CACNA1D: variants seen among roughly 807,000 people sequenced by gnomAD.
CACNA1D encodes voltage-dependent L-type calcium channel subunit alpha-1D.
A neutral mutation model predicts 257.1 loss-of-function variants in CACNA1D; 55 were observed. That is an observed-to-expected ratio of 0.21 (90% CI 0.17 to 0.27). CACNA1D has a LOEUF of 0.27. CACNA1D is among the 10% of genes least tolerant of loss of function. The pLI, the probability that CACNA1D is intolerant of heterozygous loss-of-function variation, is 1.00. For synonymous variants in CACNA1D, 980 were observed against 1,014.9 expected, an observed-to-expected ratio of 0.97 and a Z score of 0.65; for missense variants, 1,876 against 2,784.0, an observed-to-expected ratio of 0.67 and a Z score of 7.34.
intron 8 of CACNA1D, among the ~76,000 whole-genome samples, chr3:53,688,576 C>T (rs2094493386): frequency 6.6e-6 from 1 of 152,156 alleles, no homozygotes; most frequent in Non-Finnish European, 1.5e-5. Flanking sequence ...GTGTCCTCCT[C>T]CTCGGAGGTC....
intron 3 of CACNA1D, among the ~76,000 whole-genome samples, chr3:53,599,497 AC>A (rs1295214195): frequency 2.6e-5 from 4 of 152,180 alleles, no homozygotes; most frequent in Non-Finnish European, 5.9e-5. Flanking sequence ...ATTAAAAAAA[AC>A]AAAAGGGTTA....
At chr3:53,512,838 C>T (rs917393902) in intron 3 of CACNA1D, among the ~76,000 whole-genome samples, 41 of 152,160 alleles carry the variant, frequency 2.7e-4, no homozygotes, top group Admixed American at 2.6e-3. Context: ...AACCTAATGA[C>T]GGTTTTTGCC....
At chr3:53,804,506 A>G (rs2095552192) in intron 44 of CACNA1D, among the ~76,000 whole-genome samples, 2 of 152,186 alleles carry the variant, frequency 1.3e-5, no homozygotes, top group South Asian at 4.2e-4. Flanking sequence ...CCCCCAGAAA[A>G]GAAAACCTCA....
rs1457895181 is a variant in CACNA1D, at chr3:53,702,693, C to T, written c.1273C>T (p.Leu425Phe). Residue 425 changes from leucine (L) to phenylalanine (F), a missense_variant, in exon 9 of 48, where the codon CTC (leucine) becomes TTC (phenylalanine). Transcript: ENST00000350061. ...AAAAGCACGGGGAGATTTCCAGAAG[C>T]TCCGGGAGAAGCAGCAGCTGGAGGA... The part of the protein sequence containing the change: ...KAKARGDFQK[L>F]REKQQLEEDL... 6.2e-7 allele frequency: 1 copy of T among 1,614,186 alleles called. No homozygotes were observed. The highest frequency in any genetic ancestry group is 1.7e-5 in the Admixed American group (1 of 60,016).
At chr3:53,663,589 G>A (rs535912085) in intron 5 of CACNA1D, among the ~76,000 whole-genome samples, 62 of 152,198 alleles carry the variant, frequency 4.1e-4, no homozygotes, top group Non-Finnish European at 6.5e-4. Context: ...GTCCCTTGGC[G>A]GGTAGCCTTA....
At chr3:53,626,241 G>C (rs1176230839) in intron 3 of CACNA1D, among the ~76,000 whole-genome samples, 1 of 152,192 alleles carries the variant, frequency 6.6e-6, no homozygotes, top group African/African-American at 2.4e-5. Flanking sequence ...ATGAAGAGGA[G>C]GGGGTGAATG....
intron 3 of CACNA1D, among the ~76,000 whole-genome samples, chr3:53,601,052 C>T (rs139123866): frequency 2.0e-5 from 3 of 152,250 alleles, no homozygotes; most frequent in East Asian, 1.9e-4. Context: ...CTCAGGCCTG[C>T]ACAGCACACT....
intron 8 of CACNA1D, among the ~76,000 whole-genome samples, chr3:53,685,798 G>T (rs1449737851): frequency 6.6e-6 from 1 of 152,086 alleles, no homozygotes; most frequent in African/African-American, 2.4e-5. Context: ...AGTGCTTGGA[G>T]GGACATTTAT....
chr3:53,540,861 C>A lies in CACNA1D; in HGVS notation c.483+39141C>A, dbSNP rs115092957. 6.3e-3 allele frequency among the ~76,000 whole-genome samples: 959 copies of A among 152,232 alleles called. 6 individuals are homozygous for A. The highest frequency in any genetic ancestry group is 0.022 in the African/African-American group (920 of 41,538). ...GGTTCAAGCGATTCTCTGGCCTCAG[C>A]CTCCCAAGTATTTGGGATTACAAGT... On this transcript the variant is annotated intron_variant, in intron 3 of 47. Coordinates refer to ENST00000350061, the MANE Select transcript of CACNA1D (RefSeq NM_001128840.3).
At chr3:53,772,560 T>C (rs2095372000) in intron 32 of CACNA1D, among the ~76,000 whole-genome samples, 1 of 152,144 alleles carries the variant, frequency 6.6e-6, no homozygotes, top group African/African-American at 2.4e-5. Context: ...GTGTTGAAAA[T>C]GTTTAGGGTT....
rs545367514 is a variant in CACNA1D, at chr3:53,665,639, A to AT, written c.767-12dup. Reference sequence around the variant, plus strand: ...GAGTGCCTTCCTGGCTCACAAACTTATTTTTTTTTGTCTTTCCTAGGTTTA... The same window carrying AT: ...GAGTGCCTTCCTGGCTCACAAACTTATTTTTTTTTTGTCTTTCCTAGGTTTA... On this transcript the variant is annotated intron_variant, in intron 5 of 47. Coordinates refer to ENST00000350061, the MANE Select transcript of CACNA1D (RefSeq NM_001128840.3). The AT allele has an allele frequency of 1.3e-3, 1,971 of 1,574,164 alleles. No homozygotes were observed. The highest frequency in any genetic ancestry group is 2.8e-3 in the African/African-American group (205 of 73,730).
intron 9 of CACNA1D, among the ~76,000 whole-genome samples, chr3:53,714,542 G>A (rs2094798559): frequency 6.6e-6 from 1 of 152,224 alleles, no homozygotes; most frequent in African/African-American, 2.4e-5. Context: ...TCCTGTAAGT[G>A]ATCTGGTTAT....
chr3:53,652,554 A>G (rs1356041455), intron 4 of CACNA1D, among the ~76,000 whole-genome samples: 1 of 152,214 alleles, frequency 6.6e-6, no homozygotes, highest in African/African-American at 2.4e-5. Context: ...GGAGCTGTAA[A>G]ATGAATAATA....
chr3:53,698,101 T>C (rs976663680), intron 8 of CACNA1D, among the ~76,000 whole-genome samples: 1 of 152,236 alleles, frequency 6.6e-6, no homozygotes, highest in African/African-American at 2.4e-5. Flanking sequence ...CATTGATACA[T>C]ACACATACTC....
intron 9 of CACNA1D, among the ~76,000 whole-genome samples, chr3:53,716,961 C>T (rs949934225): frequency 2.0e-5 from 3 of 152,212 alleles, no homozygotes; most frequent in Non-Finnish European, 4.4e-5. Flanking sequence ...GCCCCCTACG[C>T]GAGCTGCCTG....
chr3:53,748,067 G>A (rs562415513), intron 26 of CACNA1D, among the ~76,000 whole-genome samples: 1 of 152,334 alleles, frequency 6.6e-6, no homozygotes, highest in Non-Finnish European at 1.5e-5. Context: ...GTGTCAAGTG[G>A]TCAAACCAGG....
At chr3:53,770,638 T>TC in intron 32 of CACNA1D, 86 bp downstream of exon 32, 2 of 1,309,106 alleles carry the variant, frequency 1.5e-6, no homozygotes, top group East Asian at 4.6e-5. Flanking sequence ...GGACCCAGGC[T>TC]CCCCCTGTGT....
chr3:53,614,201 C>T (rs1026898594), intron 3 of CACNA1D, among the ~76,000 whole-genome samples: 3 of 151,848 alleles, frequency 2.0e-5, no homozygotes, highest in East Asian at 1.9e-4. Context: ...GACATCGTCC[C>T]GGGGCTGAGA....
chr3:53,555,181 C>G (rs1419624409), intron 3 of CACNA1D, among the ~76,000 whole-genome samples: 1 of 152,288 alleles, frequency 6.6e-6, no homozygotes, highest in Non-Finnish European at 1.5e-5. Flanking sequence ...GAACTAGAAA[C>G]TGAGAAAGAC....
Sources: allele counts gnomAD v4.1 joint callset (sites outside exome capture counted in the v4.1 genomes callset), GRCh38; gene constraint gnomAD v4.1.1; transcripts MANE v1.5; gene names NCBI Gene and HGNC (gene_info 2026-07-23, HGNC 2026-07-21).